The following SAMD12 variants were observed in gnomAD, a reference collection of about 807,000 sequenced individuals.
The protein encoded by SAMD12 is sterile alpha motif domain containing 12.
Under a neutral mutation model 15.0 loss-of-function variants are expected in SAMD12, and 9 were observed. The ratio of observed to expected loss-of-function variants is 0.60; its 90% CI spans 0.36 to 1.05. The LOEUF is 1.05. SAMD12 is among the 50% of genes least tolerant of loss of function. The pLI, the probability that SAMD12 is intolerant of heterozygous loss-of-function variation, is 0.01. For missense variants in SAMD12, 230 were observed against 234.2 expected (o/e 0.98, Z 0.12); for synonymous variants, 86 against 90.1 (o/e 0.96, Z 0.25).
chr8:118,145,270 C>T, the SAMD12 span, among the ~76,000 whole-genome samples: 1 of 152,056 alleles, frequency 6.6e-6, no homozygotes, highest in Non-Finnish European at 1.5e-5. Flanking sequence ...TGGCATAAAT[C>T]CAACCATTGG....
At chr8:118,599,953 A>T (rs1229569282) in intron 1 of SAMD12, among the ~76,000 whole-genome samples, 1 of 152,218 alleles carries the variant, frequency 6.6e-6, no homozygotes, top group East Asian at 1.9e-4. Context: ...CTGAAACTAG[A>T]TCTACTCGTA....
At chr8:118,504,070 G>A (rs1824857633) in intron 2 of SAMD12, among the ~76,000 whole-genome samples, 1 of 152,044 alleles carries the variant, frequency 6.6e-6, no homozygotes, top group African/African-American at 2.4e-5. Flanking sequence ...GTTTAAATCA[G>A]GAATCCCCTA....
intron 2 of SAMD12, among the ~76,000 whole-genome samples, chr8:118,557,646 T>C (rs1826579450): frequency 6.6e-6 from 1 of 152,240 alleles, no homozygotes; most frequent in Non-Finnish European, 1.5e-5. Flanking sequence ...ATTTGCATCT[T>C]TGTGGTTTCA....
At chr8:118,357,138 G>C (rs548397865) in intron 4 of SAMD12, among the ~76,000 whole-genome samples, 1 of 152,248 alleles carries the variant, frequency 6.6e-6, no homozygotes, top group South Asian at 2.1e-4. Context: ...ATAATCAAAG[G>C]GTTCCCACTA....
intron 2 of SAMD12, among the ~76,000 whole-genome samples, chr8:118,543,995 A>G (rs1475006920): frequency 2.0e-5 from 3 of 152,142 alleles, no homozygotes; most frequent in Admixed American, 6.5e-5. Flanking sequence ...CTCTCTCTGC[A>G]TATAGAACAA....
At chr8:118,471,028 T>C (rs561336654) in intron 2 of SAMD12, among the ~76,000 whole-genome samples, 1 of 152,314 alleles carries the variant, frequency 6.6e-6, no homozygotes, top group African/African-American at 2.4e-5. Flanking sequence ...ATCTGTGAAA[T>C]ACAGTATTTA....
chr8:118,309,363 A>G (rs1470511106), intron 4 of SAMD12, among the ~76,000 whole-genome samples: 1 of 148,232 alleles, frequency 6.7e-6, no homozygotes, highest in Non-Finnish European at 1.5e-5. Context: ...TGGTGTATAT[A>G]TATATTTGAG....
At chr8:118,389,573 G>A (rs1322566869) in intron 3 of SAMD12, among the ~76,000 whole-genome samples, 2 of 152,112 alleles carry the variant, frequency 1.3e-5, no homozygotes, top group Non-Finnish European at 2.9e-5. Context: ...AAATTAGCCA[G>A]GCATGGTGGT....
At chr8:118,230,611 T>C (rs1408458306) in intron 4 of SAMD12, among the ~76,000 whole-genome samples, 1 of 152,018 alleles carries the variant, frequency 6.6e-6, no homozygotes, top group Non-Finnish European at 1.5e-5. Context: ...CTACTCTACA[T>C]TCTACAATCA....
chr8:118,275,723 C>G (rs907073634), intron 4 of SAMD12, among the ~76,000 whole-genome samples: 1 of 152,134 alleles, frequency 6.6e-6, no homozygotes, highest in African/African-American at 2.4e-5. Context: ...TCTCTCCTCT[C>G]TAGTAATCCC....
chr8:118,319,797 C>T (rs6469733), intron 4 of SAMD12, among the ~76,000 whole-genome samples: 1 of 151,930 alleles, frequency 6.6e-6, no homozygotes, highest in Admixed American at 6.6e-5. Flanking sequence ...AGGAGAAAAG[C>T]GCAGGTTTGG....
chr8:118,448,457 T>C (rs1388655507), intron 2 of SAMD12, among the ~76,000 whole-genome samples: 1 of 152,212 alleles, frequency 6.6e-6, no homozygotes, highest in Admixed American at 6.5e-5. Context: ...GAACAGTACC[T>C]GGCACAAAGC....
At chr8:118,164,830 C>T in the SAMD12 span, among the ~76,000 whole-genome samples, 8 of 151,768 alleles carry the variant, frequency 5.3e-5, no homozygotes, top group Non-Finnish European at 5.9e-5. Context: ...TATATACACA[C>T]ATATATACAT....
intron 2 of SAMD12, among the ~76,000 whole-genome samples, chr8:118,554,371 A>C (rs1274032360): frequency 3.9e-5 from 6 of 152,214 alleles, no homozygotes; most frequent in Middle Eastern, 3.4e-3. Context: ...TGATGAGTTC[A>C]TGTCCTTTGT....
chr8:118,322,047 C>A (rs571670256), intron 4 of SAMD12, among the ~76,000 whole-genome samples: 1 of 152,126 alleles, frequency 6.6e-6, no homozygotes, highest in Non-Finnish European at 1.5e-5. Context: ...CTTACTGACT[C>A]CTCCACCCTT....
At chr8:118,475,297 C>G (rs1426871136) in intron 2 of SAMD12, among the ~76,000 whole-genome samples, 1 of 152,090 alleles carries the variant, frequency 6.6e-6, no homozygotes, top group East Asian at 1.9e-4. Context: ...CTCTTGCTGT[C>G]TCTCTCACGA....
chr8:118,327,254 C>T (rs114373710), intron 4 of SAMD12, among the ~76,000 whole-genome samples: 125 of 152,312 alleles, frequency 8.2e-4, no homozygotes, highest in African/African-American at 2.9e-3. Context: ...GAAAGTCCTC[C>T]TGGCTTCTTT....
chr8:118,330,327 G>T (rs1816755205), intron 4 of SAMD12, among the ~76,000 whole-genome samples: 1 of 152,170 alleles, frequency 6.6e-6, no homozygotes. Flanking sequence ...CACAAACTTG[G>T]CTCTTCTCCA....
chr8:118,274,371 A>C (rs566988193), intron 4 of SAMD12, among the ~76,000 whole-genome samples: 1 of 152,306 alleles, frequency 6.6e-6, no homozygotes, highest in East Asian at 1.9e-4. Flanking sequence ...TGACAGAGAA[A>C]TAGGACAACA....
Sources: gnomAD v4.1 joint callset for allele counts (sites outside exome capture counted in the v4.1 genomes callset) on GRCh38, gnomAD v4.1.1 for gene constraint, MANE v1.5 for transcripts, NCBI Gene and HGNC (gene_info 2026-07-23, HGNC 2026-07-21) for gene names.